MDH1B: variants seen among roughly 807,000 people sequenced by gnomAD.
The protein encoded by MDH1B is malate dehydrogenase 1B.
A neutral mutation model predicts 61.4 loss-of-function variants in MDH1B; 60 were observed. The ratio of observed to expected loss-of-function variants is 0.98; its 90% CI spans 0.79 to 1.21. The LOEUF is 1.21. MDH1B is among the 50% of genes most tolerant of loss of function. The probability of loss-of-function intolerance (pLI) is 0.00; values close to 1 mark genes in which losing one functional copy is unlikely to be tolerated. For missense variants in MDH1B, 587 were observed against 632.1 expected, an observed-to-expected ratio of 0.93 and a Z score of 0.76; for synonymous variants, 236 against 218.7, an observed-to-expected ratio of 1.08 and a Z score of -0.70.
chr2:206,756,759 G>A (rs141961519), intron 4 of MDH1B, 139 bp downstream of exon 4: 2 of 751,888 alleles, frequency 2.7e-6, no homozygotes, highest in East Asian at 2.7e-5. Flanking sequence ...ATGTATATGT[G>A]TATACATATA....
chr2:206,753,792 A>C (rs1298232042), intron 5 of MDH1B, among the ~76,000 whole-genome samples: 1 of 152,046 alleles, frequency 6.6e-6, no homozygotes, highest in Non-Finnish European at 1.5e-5. Flanking sequence ...ATTGGATTTG[A>C]GTAGAGTGGA....
At chr2:206,739,999 T>A (rs1308714715) in intron 10 of MDH1B, among the ~76,000 whole-genome samples, 1 of 152,244 alleles carries the variant, frequency 6.6e-6, no homozygotes, top group Non-Finnish European at 1.5e-5. Context: ...AAATAGATAG[T>A]TTCAGATGAA....
rs760797812 is a variant in MDH1B, at chr2:206,757,340, T to G, written c.167A>C (p.Lys56Thr). ...DWLKDVCEKN[K>T]WSHKNSPIIW... ...GATAGGGGAATTCTTGTGACTCCAC[T>G]TATTCTTTTCACACACATCTTTTAG... is the stretch of plus-strand genomic sequence containing the variant. Residue 56 changes from lysine to threonine, a missense_variant, in exon 3 of 12, where the codon AAG (lysine) becomes ACG (threonine). Physicochemically the swap from Lys to Thr is moderately conservative, Grantham distance 78. Transcript: ENST00000374412. The G allele has an allele frequency of 2.5e-6, 4 of 1,613,818 alleles. No homozygotes were observed. The African/African-American group carries it at 5.3e-5, about 22-fold the overall frequency.
chr2:206,760,825 A>C (rs766902270), intron 2 of MDH1B, 76 bp downstream of exon 2: 6 of 811,094 alleles, frequency 7.4e-6, no homozygotes, highest in African/African-American at 3.4e-5. Context: ...CCAGTCTAAT[A>C]CACCAGTTAA....
rs780939969 is a variant in MDH1B, at chr2:206,755,404, T to C, written c.515A>G (p.Gln172Arg). The change falls in exon 5 of 12, where the codon CAG (glutamine) becomes CGG (arginine). Residue 172 changes from glutamine to arginine, a missense_variant. By Grantham distance (43) the Gln-to-Arg change is conservative. Transcript: ENST00000374412. The stretch of plus-strand genomic sequence containing the variant: ...AAGGCTTTTGAGATGTTCTTCCGCC[T>C]GCTTGTTGTCAAATAGAGTTATGCT... ...EISITLFDNK[Q>R]AEEHLKSLVV... The C allele has an allele frequency of 5.0e-6, 8 of 1,614,126 alleles. No individual in the cohort carries two copies. The East Asian group carries it at 1.3e-4, about 27-fold the overall frequency.
intron 10 of MDH1B, 36 bp from the exon 11 acceptor site, chr2:206,739,697 T>C: frequency 1.3e-6 from 2 of 1,587,928 alleles, no homozygotes; most frequent in East Asian, 2.2e-5. Context: ...TTTTAGTATG[T>C]AAAGCGCAAT....
chr2:206,751,022 G>A lies in MDH1B; in HGVS notation c.964C>T (p.Leu322=). The part of the protein sequence containing the change: ...GNISGNNYVD[L]RKTRVYRYES... ...TATCTGTACACCCTTGTTTTTCTCA[G>A]ATCAACGTAATTATTTCCACTGATA... Residue 322 remains leucine (L), a synonymous_variant, in exon 6 of 12, where the codon CTG becomes TTG. Transcript: ENST00000374412. 1 of 1,609,002 alleles carries A rather than the reference G, an allele frequency of 6.2e-7. No homozygotes were observed. Among genetic ancestry groups the A allele is most frequent in the Non-Finnish European group, 8.5e-7 (1 of 1,176,670 alleles).
intron 1 of MDH1B, among the ~76,000 whole-genome samples, chr2:206,762,826 C>T (rs891098225): frequency 5.9e-5 from 9 of 152,178 alleles, no homozygotes; most frequent in African/African-American, 2.2e-4. Context: ...CCACTGCCCC[C>T]TTCCAGGCTT....
Position 206,751,005 on chromosome 2 carries a change from C to T in MDH1B, c.981G>A (p.Val327=). 3 of 1,610,898 alleles carry T rather than the reference C, an allele frequency of 1.9e-6. No individual in the cohort carries two copies. The highest frequency in any genetic ancestry group is 1.1e-5 in the South Asian group (1 of 90,622). The stretch of plus-strand genomic sequence containing the variant: ...CCCAAATGGCACTCTCATATCTGTA[C>T]ACCCTTGTTTTTCTCAGATCAACGT... The part of the protein sequence containing the change: ...NNYVDLRKTR[V]YRYESAIWGP... The change falls in exon 6 of 12, where the codon GTG becomes GTA. Residue 327 remains valine (V), a synonymous_variant. Transcript: ENST00000374412.
intron 5 of MDH1B, among the ~76,000 whole-genome samples, chr2:206,751,726 T>C (rs1688458781): frequency 6.6e-6 from 1 of 152,170 alleles, no homozygotes; most frequent in South Asian, 2.1e-4. Context: ...ACAACTATTA[T>C]ACAAAGCGAT....
At chr2:206,738,599 T>C (rs971502735) in intron 11 of MDH1B, 88 bp from the exon 12 acceptor site, 5 of 914,674 alleles carry the variant, frequency 5.5e-6, no homozygotes, top group Non-Finnish European at 6.8e-6. Context: ...TTTGCTGGAT[T>C]CCTGTATTCA....
intron 2 of MDH1B, among the ~76,000 whole-genome samples, chr2:206,759,654 T>C (rs1431465831): frequency 6.6e-6 from 1 of 152,238 alleles, no homozygotes; most frequent in Non-Finnish European, 1.5e-5. Context: ...TGGAATCTTA[T>C]TGTGGTTTTG....
chr2:206,761,897 T>C (rs1325276355), intron 1 of MDH1B, among the ~76,000 whole-genome samples: 1 of 152,176 alleles, frequency 6.6e-6, no homozygotes, highest in Non-Finnish European at 1.5e-5. Flanking sequence ...CTATGGTTCA[T>C]CTCTTCAAAC....
chr2:206,765,278 G>A lies in MDH1B; in HGVS notation c.-7C>T. The A allele has an allele frequency of 6.2e-7, 1 of 1,600,244 alleles. No individual in the cohort carries two copies. The highest frequency in any genetic ancestry group is 8.5e-7 in the Non-Finnish European group (1 of 1,175,562). ...CGATGACGAATTTGGCCATGGTCGAGAGAGACTCAGAGGCAGGGACCGCGG... is the reference window on the plus strand; with the variant it reads ...CGATGACGAATTTGGCCATGGTCGAAAGAGACTCAGAGGCAGGGACCGCGG... On this transcript the variant is annotated 5_prime_UTR_variant, in exon 1 of 12. Transcript: ENST00000374412.
intron 1 of MDH1B, among the ~76,000 whole-genome samples, chr2:206,761,935 C>CT (rs1689119164): frequency 6.6e-6 from 1 of 152,176 alleles, no homozygotes; most frequent in African/African-American, 2.4e-5. Flanking sequence ...CTTAAATTAT[C>CT]TTTCTCCACT....
intron 3 of MDH1B, 61 bp from the exon 4 acceptor site, chr2:206,757,101 TA>T: frequency 6.4e-7 from 1 of 1,562,454 alleles, no homozygotes; most frequent in South Asian, 1.2e-5. Context: ...AAATTGGCTA[TA>T]ATGGAAAGTT....
At position 206,755,188 on chromosome 2, in the gene MDH1B, T is replaced by C. The variant is rs1688683572; in HGVS notation, c.731A>G (p.Glu244Gly). Residue 244 changes from glutamate to glycine, a missense_variant, in exon 5 of 12, where the codon GAG (glutamate) becomes GGG (glycine). Transcript: ENST00000374412. ...PLCRLYGYLIEKNAHESVRVI... is the reference protein window; with the variant it reads ...PLCRLYGYLIGKNAHESVRVI... ...TCTGACAGACTCATGAGCATTTTTC[T>C]CTATCAGGTACCCATAGAGCCTGCA... 6 of 1,614,202 alleles carry C rather than the reference T, an allele frequency of 3.7e-6. No homozygotes were observed. Among genetic ancestry groups the C allele is most frequent in the Non-Finnish European group, 5.1e-6 (6 of 1,180,038 alleles).
chr2:206,753,511 G>A (rs901611309), intron 5 of MDH1B, among the ~76,000 whole-genome samples: 1 of 152,146 alleles, frequency 6.6e-6, no homozygotes, highest in Non-Finnish European at 1.5e-5. Flanking sequence ...AATACACATG[G>A]TCTGATAAAT....
At chr2:206,754,338 A>G (rs1444298723) in intron 5 of MDH1B, among the ~76,000 whole-genome samples, 1 of 152,168 alleles carries the variant, frequency 6.6e-6, no homozygotes, top group Non-Finnish European at 1.5e-5. Flanking sequence ...GTCCAATATT[A>G]TCTCCCTTTT....
Sources: allele counts gnomAD v4.1 joint callset (sites outside exome capture counted in the v4.1 genomes callset), GRCh38; gene constraint gnomAD v4.1.1; transcripts MANE v1.5; gene names NCBI Gene and HGNC (gene_info 2026-07-23, HGNC 2026-07-21).